Variants in BRD4 observed in about 807,000 individuals in gnomAD.
BRD4 encodes bromodomain containing 4, also known as bromodomain-containing protein 4.
In BRD4, 16 loss-of-function variants were observed where a neutral mutation model predicts 142.1. That is an observed-to-expected ratio of 0.11 (90% CI 0.08 to 0.17). BRD4 has a LOEUF of 0.17. Among genes scored for constraint, BRD4 ranks in the 10% least tolerant of loss-of-function variants. BRD4 has a pLI of 1.00. For missense variants in BRD4, 1,424 were observed against 1,810.9 expected (o/e 0.79, Z 3.88); for synonymous variants, 833 against 707.5 (o/e 1.18, Z -2.82).
At chr19:15,265,289 C>T (rs975253585) in intron 5 of BRD4, 65 bp downstream of exon 5, 3 of 1,399,842 alleles carry the variant, frequency 2.1e-6, no homozygotes, top group Non-Finnish European at 2.8e-6. Flanking sequence ...CTGTGTAAAG[C>T]ACGGGCAAGG....
chr19:15,329,600 G>T (rs373120989), intron 1 of BRD4, among the ~76,000 whole-genome samples: 3 of 152,148 alleles, frequency 2.0e-5, no homozygotes, highest in African/African-American at 7.2e-5. Flanking sequence ...TTAGCTGGGC[G>T]TGGCGGCGCG....
At chr19:15,241,051 G>A (rs907624923) in intron 14 of BRD4, among the ~76,000 whole-genome samples, 2 of 152,226 alleles carry the variant, frequency 1.3e-5, no homozygotes, top group Admixed American at 6.5e-5. Context: ...TCTAGAGCCA[G>A]GACCCACTCC....
chr19:15,284,507 C>G (rs1348978331), intron 1 of BRD4, among the ~76,000 whole-genome samples: 2 of 152,198 alleles, frequency 1.3e-5, no homozygotes, highest in African/African-American at 4.8e-5. Flanking sequence ...TACAACTTTA[C>G]AGAAGCCTTT....
chr19:15,315,508 A>AT (rs2048009089), intron 1 of BRD4, among the ~76,000 whole-genome samples: 1 of 151,448 alleles, frequency 6.6e-6, no homozygotes, highest in Non-Finnish European at 1.5e-5. Flanking sequence ...CCTTAAGGGG[A>AT]TTGGGGGGGG....
rs1399135612 is a variant in BRD4, at chr19:15,256,084, A to G, written c.1731T>C (p.Asn577=). The G allele has an allele frequency of 5.6e-6, 9 of 1,611,740 alleles. No individual in the cohort carries two copies. Among genetic ancestry groups the G allele is most frequent in the Non-Finnish European group, 7.6e-6 (9 of 1,179,878 alleles). ...CAGACCTCACATTGCTGTTGCTGCT[A>G]TTATTTTTCTTCGTCTTTTTAGGAG... ...EPPPKKTKKN[N]SSNSNVSKKE... is the part of the protein sequence containing the mutation. The change falls in exon 9 of 20, where the codon AAT becomes AAC. Residue 577 remains asparagine (N), a synonymous_variant. Coordinates refer to ENST00000679869, the MANE Select transcript of BRD4 (RefSeq NM_001379291.1).
chr19:15,262,250 C>A (rs2047479288), intron 7 of BRD4, among the ~76,000 whole-genome samples: 1 of 152,180 alleles, frequency 6.6e-6, no homozygotes, highest in East Asian at 1.9e-4. Context: ...GCCCTGGAAG[C>A]AGATGGCTGC....
In BRD4 at chr19:15,238,363, C is replaced by T. The variant is rs202020423; in HGVS notation, c.*14G>A. ...TTTGCCAGAAAATCAAAGTCAGAAG[C>T]CACCTAGGTGCGCTCAGAAAAGATT... On this transcript the variant is annotated 3_prime_UTR_variant, in exon 20 of 20. Coordinates refer to ENST00000679869, the MANE Select transcript of BRD4 (RefSeq NM_001379291.1). The surrounding 1 kb of genome is among the most constrained non-coding windows in gnomAD (Gnocchi z 7.2). 19 of 1,613,682 alleles carry T rather than the reference C, an allele frequency of 1.2e-5. No individual in the cohort carries two copies. Among genetic ancestry groups the T allele is most frequent in the Admixed American group, 1.7e-5 (1 of 59,950 alleles).
intron 6 of BRD4, 168 bp downstream of exon 6, chr19:15,264,236 C>A: frequency 2.3e-6 from 2 of 877,826 alleles, no homozygotes; most frequent in East Asian, 2.7e-5. Flanking sequence ...GAGCACGTCC[C>A]ACAGCAGACA....
chr19:15,314,504 G>C (rs1355360272), intron 1 of BRD4, among the ~76,000 whole-genome samples: 1 of 152,042 alleles, frequency 6.6e-6, no homozygotes, highest in Admixed American at 6.6e-5. Flanking sequence ...TATTTCCGAC[G>C]TCCTATTGGG....
At chr19:15,262,590 G>A (rs574335143) in intron 7 of BRD4, among the ~76,000 whole-genome samples, 24 of 151,600 alleles carry the variant, frequency 1.6e-4, no homozygotes, top group Non-Finnish European at 3.1e-4. Flanking sequence ...GGGCATGGTG[G>A]TGCAAGCCTG....
At chr19:15,313,314 C>A (rs8104406) in intron 1 of BRD4, among the ~76,000 whole-genome samples, 31,519 of 147,156 alleles carry the variant, frequency 0.21, 3,734 homozygotes, top group African/African-American at 0.32. Context: ...CGGAGCTTGC[C>A]GTAAGCCAAT....
chr19:15,287,379 A>C (rs1233274169), intron 1 of BRD4, among the ~76,000 whole-genome samples: 1 of 152,144 alleles, frequency 6.6e-6, no homozygotes, highest in East Asian at 1.9e-4. Context: ...GCTACTATGC[A>C]ATCACTATCT....
At chr19:15,322,235 C>T (rs2048067500) in intron 1 of BRD4, among the ~76,000 whole-genome samples, 2 of 152,082 alleles carry the variant, frequency 1.3e-5, no homozygotes, top group African/African-American at 4.8e-5. Flanking sequence ...AATTGCAATC[C>T]ACCATATTTG....
intron 1 of BRD4, among the ~76,000 whole-genome samples, chr19:15,278,909 T>G (rs886206830): frequency 6.6e-6 from 1 of 152,136 alleles, no homozygotes; most frequent in Non-Finnish European, 1.5e-5. Context: ...TAGCGTGATC[T>G]CGACTCACTG....
intron 1 of BRD4, among the ~76,000 whole-genome samples, chr19:15,320,822 T>C (rs1040902749): frequency 6.6e-6 from 1 of 152,272 alleles, no homozygotes; most frequent in Non-Finnish European, 1.5e-5. Flanking sequence ...CTACCCTTTG[T>C]GAGTAACTCA....
intron 1 of BRD4, among the ~76,000 whole-genome samples, chr19:15,286,645 A>G (rs1354261843): frequency 6.6e-6 from 1 of 152,222 alleles, no homozygotes; most frequent in Non-Finnish European, 1.5e-5. Flanking sequence ...TCACAGCACA[A>G]TTCAGGTGCT....
At chr19:15,282,114 A>G (rs1321854675) in intron 1 of BRD4, among the ~76,000 whole-genome samples, 9 of 152,212 alleles carry the variant, frequency 5.9e-5, no homozygotes, top group Non-Finnish European at 7.3e-5. Context: ...AGGGCCAGAG[A>G]GCAAATATTG....
intron 2 of BRD4, among the ~76,000 whole-genome samples, chr19:15,271,575 G>GC (rs1327762861): frequency 6.6e-6 from 1 of 152,146 alleles, no homozygotes; most frequent in African/African-American, 2.4e-5. Context: ...CTGGTTCTGT[G>GC]CATCTGCTCT....
intron 5 of BRD4, 113 bp from the exon 6 acceptor site, chr19:15,264,879 A>G: frequency 6.8e-7 from 1 of 1,468,718 alleles, no homozygotes; most frequent in Non-Finnish European, 9.2e-7. Context: ...CTCACACAGA[A>G]TGGACCCAAA....
Sources: allele counts gnomAD v4.1 joint callset (sites outside exome capture counted in the v4.1 genomes callset), GRCh38; gene constraint gnomAD v4.1.1; non-coding constraint Gnocchi (gnomAD v3.1); transcripts MANE v1.5; gene names NCBI Gene and HGNC (gene_info 2026-07-23, HGNC 2026-07-21).